The following CENPK variants were observed in gnomAD, a reference collection of about 807,000 sequenced individuals.
CENPK encodes centromere protein K, also known as SoxLZ/Sox6-binding protein Solt.
In CENPK, 46 loss-of-function variants were observed where a neutral mutation model predicts 40.9. The ratio of observed to expected loss-of-function variants is 1.13; its 90% CI spans 0.89 to 1.44. CENPK has a LOEUF of 1.44. CENPK is among the 40% of genes most tolerant of loss of function. The pLI is 0.00. For missense variants in CENPK, 288 were observed against 303.5 expected (o/e 0.95, Z 0.38); for synonymous variants, 107 against 104.4 (o/e 1.02, Z -0.15).
chr5:65,540,046 G>C (rs1021690391), intron 6 of CENPK, among the ~76,000 whole-genome samples: 3 of 152,202 alleles, frequency 2.0e-5, no homozygotes, highest in Non-Finnish European at 4.4e-5. Context: ...CTTCAGTTGA[G>C]ATGGCTGACT....
intron 6 of CENPK, among the ~76,000 whole-genome samples, chr5:65,532,825 C>T (rs1288583681): frequency 7.7e-6 from 1 of 130,542 alleles, no homozygotes; most frequent in African/African-American, 2.8e-5. Context: ...AGGAGAATTG[C>T]TTGAACCCAG....
chr5:65,504,738 CTT>C, the CENPK span, among the ~76,000 whole-genome samples: 3 of 152,090 alleles, frequency 2.0e-5, no homozygotes, highest in African/African-American at 4.8e-5. Context: ...TCAAGAAACA[CTT>C]TTTCTTTCTA....
At chr5:65,528,777 AG>A in intron 8 of CENPK, 141 bp downstream of exon 8, 1 of 902,436 alleles carries the variant, frequency 1.1e-6, no homozygotes, top group Non-Finnish European at 1.6e-6. Flanking sequence ...CACCCATAAA[AG>A]ATCATATAAT....
chr5:65,516,168 A>T (rs1645938653), downstream of CENPK, among the ~76,000 whole-genome samples: 3 of 152,194 alleles, frequency 2.0e-5, no homozygotes, highest in Admixed American at 2.0e-4. Context: ...GAACATGAAC[A>T]TTCAGTCCAT....
chr5:65,505,243 T>C, the CENPK span, among the ~76,000 whole-genome samples: 1 of 152,204 alleles, frequency 6.6e-6, no homozygotes, highest in African/African-American at 2.4e-5. Flanking sequence ...CACCAATGTC[T>C]ATTGTTTCTG....
intron 9 of CENPK, among the ~76,000 whole-genome samples, chr5:65,527,956 A>G (rs970467631): frequency 6.6e-6 from 1 of 152,170 alleles, no homozygotes; most frequent in Non-Finnish European, 1.5e-5. Context: ...GGCTGGGCGC[A>G]GTGGCTCACA....
intron 3 of CENPK, among the ~76,000 whole-genome samples, chr5:65,553,888 T>C (rs996975942): frequency 6.6e-6 from 1 of 152,216 alleles, no homozygotes; most frequent in Admixed American, 6.5e-5. Flanking sequence ...TATCTGATCA[T>C]GTCACTTCCA....
intron 10 of CENPK, among the ~76,000 whole-genome samples, chr5:65,521,258 T>C (rs577939084): frequency 2.6e-5 from 4 of 152,124 alleles, no homozygotes; most frequent in African/African-American, 9.7e-5. Flanking sequence ...AGACCTTAAA[T>C]TCACATTATT....
intron 6 of CENPK, among the ~76,000 whole-genome samples, chr5:65,531,618 T>C (rs899392499): frequency 1.3e-5 from 2 of 151,926 alleles, no homozygotes; most frequent in Non-Finnish European, 2.9e-5. Context: ...ATTCTCCTGC[T>C]TCAGCCTCCC....
chr5:65,545,326 A>G (rs576785246), intron 5 of CENPK, among the ~76,000 whole-genome samples: 309 of 2,732 alleles, frequency 0.11, 8 homozygotes, highest in African/African-American at 0.19. Context: ...CAAAGCGCGC[A>G]CACACACACA....
In CENPK at chr5:65,528,495, T is replaced by C. The variant is rs569355500; in HGVS notation, c.554A>G (p.Glu185Gly). Residue 185 changes from glutamate (E) to glycine (G), a missense_variant, in exon 9 of 11, where the codon GAA (glutamate) becomes GGA (glycine). Coordinates refer to ENST00000396679, the MANE Select transcript of CENPK (RefSeq NM_022145.5). ...TCTATCAGGCAGAGGAAAATGGTCT[T>C]CTAGAAACTCGCCCAAGGTACTCAA... ...KLLSTLGEFL[E>G]DHFPLPDRSV... is the part of the protein sequence containing the mutation. 1.9e-6 allele frequency: 3 copies of C among 1,607,302 alleles called. No individual in the cohort carries two copies. Among genetic ancestry groups the C allele is most frequent in the East Asian group, 2.2e-5 (1 of 44,650 alleles).
intron 6 of CENPK, 47 bp downstream of exon 6, chr5:65,542,755 T>A: frequency 7.2e-7 from 1 of 1,388,132 alleles, no homozygotes; most frequent in Non-Finnish European, 1.0e-6. Context: ...AAAATAGATC[T>A]AGTTAGAAAT....
At chr5:65,516,360 C>T (rs184796610), downstream of CENPK, among the ~76,000 whole-genome samples, 1 of 152,292 alleles carries the variant, frequency 6.6e-6, no homozygotes, top group Admixed American at 6.5e-5. Flanking sequence ...TTCCACTTTT[C>T]TGCCTTCTCT....
chr5:65,497,142 C>A, the CENPK span, among the ~76,000 whole-genome samples: 31 of 149,284 alleles, frequency 2.1e-4, no homozygotes, highest in Non-Finnish European at 1.2e-4. Flanking sequence ...CTGAGGCGGG[C>A]GGACTACCTG....
Position 65,518,476 on chromosome 5 carries a change from T to TAAA in CENPK, c.808_809insTTT (p.Gln269_Ter270insPhe). On this transcript the variant is annotated inframe_insertion, in exon 11 of 11. Coordinates refer to ENST00000396679, the MANE Select transcript of CENPK (RefSeq NM_022145.5). ...TGTGTGAAAAAAGAAAACATCCTTT[T>TAAA]ACTGATGGAAAGCTTCTAATCTTAT... The TAAA allele has an allele frequency of 6.2e-7, 1 of 1,608,208 alleles. No homozygotes were observed. Among genetic ancestry groups the TAAA allele is most frequent in the Non-Finnish European group, 8.5e-7 (1 of 1,178,710 alleles).
chr5:65,562,139 T>C lies in CENPK; in HGVS notation c.-141-575A>G, dbSNP rs577654633. Among the ~76,000 whole-genome samples, 5 of 152,178 alleles carry C rather than the reference T, an allele frequency of 3.3e-5. No homozygotes were observed. The South Asian group carries it at 1.0e-3, about 32-fold the overall frequency. On this transcript the variant is annotated intron_variant, in intron 1 of 10. Transcript: ENST00000396679. ...GTCCATAATAATGCTTAATAAATGT[T>C]AACTAGCTACATTATTATTATCATT...
rs376775830 is a variant in CENPK, at chr5:65,552,583, C to A, written c.112-34G>T. 1.6e-5 allele frequency: 21 copies of A among 1,346,086 alleles called. No homozygotes were observed. In the Admixed American group the frequency reaches 4.6e-4, roughly 30 times the overall value. 83.4% of individuals were successfully genotyped at this position (1,346,086 alleles called of 1,614,324 possible). On this transcript the variant is annotated intron_variant, in intron 3 of 10. Coordinates refer to ENST00000396679, the MANE Select transcript of CENPK (RefSeq NM_022145.5). ...AAAAAGTAAAAAAAGGCAAGTCACA[C>A]ACGATAATTCACAGAAAATTCCCTT...
At chr5:65,551,271 A>AAAAAAAAAAAAAAT (rs1749985894) in intron 5 of CENPK, 1 of 332,304 alleles carries the variant, frequency 3.0e-6, no homozygotes, top group Admixed American at 4.5e-5. Context: ...AAAAAAAAAA[A>AAAAAAAAAAAAAAT]AGGAACAATT....
At chr5:65,546,187 T>A (rs1748913254) in intron 5 of CENPK, among the ~76,000 whole-genome samples, 1 of 151,862 alleles carries the variant, frequency 6.6e-6, no homozygotes, top group Non-Finnish European at 1.5e-5. Context: ...TAGTAACTAG[T>A]TATATGTTCT....
Sources: gnomAD v4.1 joint callset for allele counts (sites outside exome capture counted in the v4.1 genomes callset) on GRCh38, gnomAD v4.1.1 for gene constraint, MANE v1.5 for transcripts, NCBI Gene and HGNC (gene_info 2026-07-23, HGNC 2026-07-21) for gene names.